The following USP9Y variants were observed in gnomAD, a reference collection of about 807,000 sequenced individuals.
The protein encoded by USP9Y is ubiquitin specific peptidase 9 Y-linked.
A neutral mutation model predicts 53.1 loss-of-function variants in USP9Y; 41 were observed. That is an observed-to-expected ratio of 0.77 (90% CI 0.60 to 1.00). The LOEUF (loss-of-function observed/expected upper bound fraction) is 1.00, where lower values mean the gene tolerates loss of function less well. Ranked by LOEUF, USP9Y falls within the 50% of genes least tolerant of loss-of-function variation. The probability of loss-of-function intolerance (pLI) is 0.00; values close to 1 mark genes in which losing one functional copy is unlikely to be tolerated. For missense variants in USP9Y, 567 were observed against 535.8 expected, an observed-to-expected ratio of 1.06 and a Z score of -0.58; for synonymous variants, 220 against 173.7, an observed-to-expected ratio of 1.27 and a Z score of -2.09.
chrY:12,752,442 G>A (rs1008112846), intron 12 of USP9Y, among the ~76,000 whole-genome samples: 1 of 32,704 alleles, frequency 3.1e-5, no homozygotes, highest in Non-Finnish European at 7.5e-5. Flanking sequence ...TCCTGCAATC[G>A]TGTTAAAGTC....
intron 33 of USP9Y, among the ~76,000 whole-genome samples, chrY:12,829,949 G>A (rs2053549633): frequency 3.1e-5 from 1 of 32,698 alleles, no homozygotes; most frequent in Non-Finnish European, 7.5e-5. Context: ...GAAACTGCCA[G>A]TTTCTTACAA....
intron 7 of USP9Y, among the ~76,000 whole-genome samples, chrY:12,728,540 A>G (rs2053444648): frequency 3.1e-5 from 1 of 32,269 alleles, no homozygotes; most frequent in African/African-American, 1.2e-4. Flanking sequence ...ATTCTGTCTG[A>G]TTAGTTATGG....
chrY:12,755,887 G>A (rs2053467760), intron 12 of USP9Y, among the ~76,000 whole-genome samples: 9 of 33,209 alleles, frequency 2.7e-4, no homozygotes, highest in Admixed American at 1.4e-3. Context: ...TTACCACTTG[G>A]AAGTAGAACT....
At position 12,822,145 on chromosome Y, in the gene USP9Y, A is replaced by G. The variant is rs527939184; in HGVS notation, c.5021+3535A>G. ...CTGTTAGTACTATTGAGCATTTTGC[A>G]TGTACTTATTAGCAATTTCTGTACT... On this transcript the variant is annotated intron_variant, in intron 33 of 45. Coordinates refer to ENST00000338981, the MANE Select transcript of USP9Y (RefSeq NM_004654.4). 7.0e-3 allele frequency among the ~76,000 whole-genome samples: 237 copies of G among 33,821 alleles called. No individual in the cohort carries two copies. The South Asian group carries it at 0.15, about 21-fold the overall frequency. The allele number at this position is 33,821 out of a possible 37,273, so 90.7% of individuals were successfully genotyped here.
chrY:12,732,190 GTC>G (rs2053447580), intron 7 of USP9Y, among the ~76,000 whole-genome samples: 1 of 32,701 alleles, frequency 3.1e-5, no homozygotes, highest in Non-Finnish European at 7.5e-5. Context: ...TATTCCCTAA[GTC>G]TCTCAGGCTA....
At chrY:12,852,827 C>T (rs2148293252) in intron 42 of USP9Y, among the ~76,000 whole-genome samples, 2 of 33,582 alleles carry the variant, frequency 6.0e-5, no homozygotes, top group African/African-American at 2.3e-4. Flanking sequence ...CGCTGTTTGC[C>T]TGGGTATCGC....
intron 1 of USP9Y, among the ~76,000 whole-genome samples, chrY:12,703,855 C>T: frequency 3.0e-5 from 1 of 33,232 alleles, no homozygotes; most frequent in Non-Finnish European, 7.4e-5. Flanking sequence ...CTGATTGGTG[C>T]GTTTTACAGA....
In USP9Y at chrY:12,760,475, T is replaced by C; in HGVS notation, c.1767-9T>C. The C allele has an allele frequency of 2.5e-6, 1 of 395,890 alleles. No homozygotes were observed. The highest frequency in any genetic ancestry group is 3.5e-6 in the Non-Finnish European group (1 of 282,369). On this transcript the variant is annotated splice_polypyrimidine_tract_variant and intron_variant, in intron 14 of 45. Coordinates refer to ENST00000338981, the MANE Select transcript of USP9Y (RefSeq NM_004654.4). ...GCCTTATTATACTGTTAAGTTCTTC[T>C]TATTTCAGTCAAACTCAGCGAAGTC...
chrY:12,812,807 A>G, intron 30 of USP9Y, 23 bp from the exon 31 acceptor site: 1 of 326,948 alleles, frequency 3.1e-6, no homozygotes, highest in Non-Finnish European at 4.6e-6. Flanking sequence ...AATAACATGT[A>G]ATGTCTTTTT....
At chrY:12,727,318 A>T in intron 7 of USP9Y, among the ~76,000 whole-genome samples, 1 of 33,611 alleles carries the variant, frequency 3.0e-5, no homozygotes, top group African/African-American at 1.2e-4. Flanking sequence ...TTCAACAGCT[A>T]AATCTTGGAT....
At chrY:12,702,425 G>T in intron 1 of USP9Y, among the ~76,000 whole-genome samples, 3 of 33,795 alleles carry the variant, frequency 8.9e-5, no homozygotes, top group African/African-American at 3.5e-4. Context: ...TTGGCAAGAG[G>T]TATGTCCTTG....
At chrY:12,738,374 C>A in intron 11 of USP9Y, 65 bp downstream of exon 11, 1 of 324,249 alleles carries the variant, frequency 3.1e-6, no homozygotes. Flanking sequence ...TTTTTGGTAA[C>A]CCTTATATAA....
In USP9Y at chrY:12,840,583, A is replaced by C; in HGVS notation, c.6057A>C (p.Thr2019=). Residue 2019 remains threonine, a synonymous_variant, in exon 36 of 46, where the codon ACA becomes ACC. Transcript: ENST00000338981. ...EYFQFVKKLL[T]CNGVYLNPAP... ...TTCAGTTTGTGAAAAAACTGCTTACATGTAATGGTGTTTATTTAAACCCTG... is the reference window on the plus strand; with the variant it reads ...TTCAGTTTGTGAAAAAACTGCTTACCTGTAATGGTGTTTATTTAAACCCTG... 2.5e-6 allele frequency: 1 copy of C among 396,618 alleles called. No homozygotes were observed. Among genetic ancestry groups the C allele is most frequent in the Non-Finnish European group, 3.5e-6 (1 of 283,186 alleles).
intron 13 of USP9Y, 95 bp from the exon 14 acceptor site, chrY:12,758,411 A>C: frequency 4.5e-6 from 1 of 221,319 alleles, no homozygotes; most frequent in Non-Finnish European, 7.1e-6. Flanking sequence ...CTAGGTTTAG[A>C]AGGTTTCCTA....
intron 42 of USP9Y, among the ~76,000 whole-genome samples, chrY:12,854,132 G>A (rs2148293366): frequency 3.0e-5 from 1 of 33,035 alleles, no homozygotes; most frequent in Admixed American, 2.8e-4. Context: ...AAAAGAACCC[G>A]AAAACAAATG....
intron 26 of USP9Y, among the ~76,000 whole-genome samples, chrY:12,792,635 C>T: frequency 2.9e-5 from 1 of 34,241 alleles, no homozygotes; most frequent in African/African-American, 1.1e-4. Flanking sequence ...AAATTATTAG[C>T]TACCTAGTTA....
Position 12,778,142 on chromosome Y carries a change from T to C in USP9Y, c.2763T>C (p.Val921=). The C allele has an allele frequency of 2.5e-6, 1 of 398,192 alleles. No individual in the cohort carries two copies. The highest frequency in any genetic ancestry group is 3.5e-6 in the Non-Finnish European group (1 of 283,216). The change falls in exon 20 of 46, where the codon GTT becomes GTC. Residue 921 remains valine, a synonymous_variant. Coordinates refer to ENST00000338981, the MANE Select transcript of USP9Y (RefSeq NM_004654.4). The part of the protein sequence containing the change: ...DTIGSVRRCI[V]NRIKANVAHK... ...TTGGTTCAGTACGGCGATGTATTGT[T>C]AATCGTATTAAAGCCAATGTAGCCC...
chrY:12,723,533 C>T, intron 5 of USP9Y, among the ~76,000 whole-genome samples: 1 of 29,333 alleles, frequency 3.4e-5, no homozygotes, highest in Non-Finnish European at 8.1e-5. Context: ...GGACTACAGG[C>T]GCCCACCACC....
Position 12,714,985 on chromosome Y carries a change from C to T in USP9Y, c.96+5442C>T, listed in dbSNP as rs766151744. Among the ~76,000 whole-genome samples the T allele has an allele frequency of 4.7e-4, 15 of 31,831 alleles. No individual in the cohort carries two copies. The South Asian group carries it at 0.011, about 23-fold the overall frequency. The allele number at this position is 31,831 out of a possible 37,273, so 85.4% of individuals were successfully genotyped here. ...TAATCTTACGATTAAGTCTCAATGT[C>T]GTAGTGAGCCTGTGGCCTTTGGGCT... On this transcript the variant is annotated intron_variant, in intron 3 of 45. Coordinates refer to ENST00000338981, the MANE Select transcript of USP9Y (RefSeq NM_004654.4).
Sources: allele counts gnomAD v4.1 joint callset (sites outside exome capture counted in the v4.1 genomes callset), GRCh38; gene constraint gnomAD v4.1.1; transcripts MANE v1.5; gene names NCBI Gene and HGNC (gene_info 2026-07-23, HGNC 2026-07-21).